KDM6A: variants seen among roughly 807,000 people sequenced by gnomAD.
The protein encoded by KDM6A is lysine-specific demethylase 6A.
Under a neutral mutation model 117.6 loss-of-function variants are expected in KDM6A, and 11 were observed. That is an observed-to-expected ratio of 0.09 (90% confidence interval 0.06 to 0.15). KDM6A has a LOEUF of 0.15. Ranked by LOEUF, KDM6A falls within the 10% of genes least tolerant of loss-of-function variation. KDM6A has a pLI of 1.00. For missense variants in KDM6A, 799 were observed against 1,077.3 expected (o/e 0.74, Z 3.62); for synonymous variants, 384 against 396.1 (o/e 0.97, Z 0.36).
chrX:44,929,163 C>T (rs2036479391), intron 2 of KDM6A, among the ~76,000 whole-genome samples: 1 of 109,931 alleles, frequency 9.1e-6, no homozygotes, highest in Non-Finnish European at 1.9e-5. Context: ...ATCTCTTGAC[C>T]TTGTGATCCA....
chrX:44,947,058 C>T (rs1027956629), intron 2 of KDM6A, among the ~76,000 whole-genome samples: 18 of 111,721 alleles, frequency 1.6e-4, no homozygotes, highest in African/African-American at 5.5e-4. Context: ...AAGCCATTTT[C>T]GTAGCATATT....
chrX:44,881,229 G>A (rs1178297028), intron 2 of KDM6A, among the ~76,000 whole-genome samples: 1 of 112,530 alleles, frequency 8.9e-6, no homozygotes, highest in African/African-American at 3.2e-5. Context: ...TCAGGAGCTC[G>A]AGACCAGCCT....
chrX:44,978,683 T>C (rs1443089373), intron 4 of KDM6A, among the ~76,000 whole-genome samples: 2 of 112,231 alleles, frequency 1.8e-5, no homozygotes, highest in Admixed American at 1.9e-4. Context: ...TAAATAGTTG[T>C]ATAACCATTA....
intron 8 of KDM6A, among the ~76,000 whole-genome samples, chrX:45,041,368 A>G (rs1377936304): frequency 1.2e-5 from 1 of 83,467 alleles, no homozygotes; most frequent in Admixed American, 1.2e-4. Flanking sequence ...ACTTCCCAGT[A>G]GGGGCGGCCG....
Position 44,873,242 on chromosome X carries a change from G to T in KDM6A, c.-310G>T. 1 of 321,661 alleles carries T rather than the reference G, an allele frequency of 3.1e-6. No homozygotes were observed. Among genetic ancestry groups the T allele is most frequent in the South Asian group, 6.9e-5 (1 of 14,397 alleles). The allele number at this position is 321,661 out of a possible 1,213,427, so 26.5% of individuals were successfully genotyped here. On this transcript the variant is annotated 5_prime_UTR_variant, in exon 1 of 30. Transcript: ENST00000611820. The stretch of plus-strand genomic sequence containing the variant: ...TTTGTGTCTCCAACGAATCCCCTCA[G>T]TGCTCCCCAGCCCCGCGCGCTCCGG...
chrX:45,094,083 C>T (rs1305936791), intron 27 of KDM6A, among the ~76,000 whole-genome samples: 1 of 111,243 alleles, frequency 9.0e-6, no homozygotes. Flanking sequence ...TATAAGCCTC[C>T]CTTTTTGAAA....
intron 15 of KDM6A, among the ~76,000 whole-genome samples, chrX:45,061,917 T>C (rs2147980655): frequency 9.1e-6 from 1 of 110,140 alleles, no homozygotes; most frequent in Admixed American, 9.7e-5. Context: ...TTTTTTTTTT[T>C]TTAAACAGGA....
intron 5 of KDM6A, among the ~76,000 whole-genome samples, chrX:45,012,323 C>T (rs765944146): frequency 9.3e-6 from 1 of 107,142 alleles, no homozygotes; most frequent in Non-Finnish European, 1.9e-5. Flanking sequence ...GCCTCAGCCT[C>T]CCAAGTAGCT....
rs368988653 is a variant in KDM6A at position 44,964,041 on chromosome X, A to G, written c.334+2649A>G. Among the ~76,000 whole-genome samples, 3 of 110,707 alleles carry G rather than the reference A, an allele frequency of 2.7e-5. No homozygotes were observed. In the East Asian group the frequency reaches 8.6e-4, roughly 32 times the overall value. ...CGGCCTTTTGACCTCAAATGTTCTTAATGGCATCAAGAATGATGAATCTTT... is the reference window on the plus strand; with the variant it reads ...CGGCCTTTTGACCTCAAATGTTCTTGATGGCATCAAGAATGATGAATCTTT... On this transcript the variant is annotated intron_variant, in intron 3 of 29. Coordinates refer to ENST00000611820, the MANE Select transcript of KDM6A (RefSeq NM_001291415.2).
At chrX:45,034,735 C>G (rs1420765722) in intron 6 of KDM6A, among the ~76,000 whole-genome samples, 196 bp from the exon 7 acceptor site, 1 of 111,847 alleles carries the variant, frequency 8.9e-6, no homozygotes, top group African/African-American at 3.2e-5. Context: ...TCAGCTGTCT[C>G]AAGAAAATAA....
chrX:44,914,000 T>A (rs1404770868), intron 2 of KDM6A, among the ~76,000 whole-genome samples: 1 of 111,965 alleles, frequency 8.9e-6, no homozygotes, highest in Non-Finnish European at 1.9e-5. Flanking sequence ...TTTCAGCCAA[T>A]GGAAACTGGA....
intron 27 of KDM6A, among the ~76,000 whole-genome samples, chrX:45,100,429 T>C (rs912053083): frequency 2.7e-5 from 3 of 112,263 alleles, no homozygotes; most frequent in Admixed American, 9.4e-5. Flanking sequence ...GAAACTTTGG[T>C]TTATTCACCA....
intron 2 of KDM6A, among the ~76,000 whole-genome samples, chrX:44,921,949 C>CTAGCATTTGT (rs2035959760): frequency 1.0e-5 from 1 of 100,222 alleles, no homozygotes; most frequent in Non-Finnish European, 2.0e-5. Flanking sequence ...TGTATACTTA[C>CTAGCATTTGT]TAGCATTTGT....
At position 45,111,411 on chromosome X, in the gene KDM6A, A is replaced by T; in HGVS notation, c.4362A>T (p.Ter1454CysextTer8). The change falls in exon 30 of 30, where the codon TGA (stop) becomes TGT (cysteine). Residue 1454 changes from the stop codon to cysteine (C), a stop_lost. Coordinates refer to ENST00000611820, the MANE Select transcript of KDM6A (RefSeq NM_001291415.2). ...LAPPLPSASS* is the reference protein window; with the variant it reads ...LAPPLPSASSC ...CTCCATTACCATCCGCCTCATCTTG[A>T]TATTGTTCCATGGACATTAAATGAG... The T allele has an allele frequency of 8.4e-7, 1 of 1,191,693 alleles. No individual in the cohort carries two copies. Among genetic ancestry groups the T allele is most frequent in the Non-Finnish European group, 1.1e-6 (1 of 878,259 alleles).
intron 2 of KDM6A, among the ~76,000 whole-genome samples, chrX:44,884,932 C>T (rs2032710535): frequency 9.0e-6 from 1 of 111,562 alleles, no homozygotes; most frequent in Admixed American, 9.6e-5. Flanking sequence ...TTTAATATTC[C>T]TTGTCTTAGT....
intron 2 of KDM6A, among the ~76,000 whole-genome samples, chrX:44,899,256 T>C (rs1044474935): frequency 9.8e-6 from 1 of 101,764 alleles, no homozygotes; most frequent in African/African-American, 3.6e-5. Context: ...TGTGTGTGTG[T>C]GTGTGTGTTT....
chrX:45,009,673 A>G (rs1005911388), intron 4 of KDM6A, among the ~76,000 whole-genome samples: 2 of 111,430 alleles, frequency 1.8e-5, no homozygotes, highest in African/African-American at 6.5e-5. Context: ...CTTTTTCTCA[A>G]CTAATGAATT....
At chrX:45,064,033 A>AT (rs1015406083) in intron 17 of KDM6A, among the ~76,000 whole-genome samples, 1 of 111,793 alleles carries the variant, frequency 8.9e-6, no homozygotes, top group African/African-American at 3.3e-5. Flanking sequence ...AACTTAGCAA[A>AT]TTTACAAAGG....
In KDM6A at chrX:44,992,798, G is replaced by A. The variant is rs371014093; in HGVS notation, c.384+18083G>A. On this transcript the variant is annotated intron_variant, in intron 4 of 29. Coordinates refer to ENST00000611820, the MANE Select transcript of KDM6A (RefSeq NM_001291415.2). ...CCTGACCATGTGATCCACCCACCTCGGCCTTCCAAAGTGCTGGGATTACAG... is the reference window on the plus strand; with the variant it reads ...CCTGACCATGTGATCCACCCACCTCAGCCTTCCAAAGTGCTGGGATTACAG... 6.4e-5 allele frequency among the ~76,000 whole-genome samples: 7 copies of A among 109,606 alleles called. No homozygotes were observed. In the East Asian group the frequency reaches 1.4e-3, roughly 22 times the overall value.
Sources: allele counts gnomAD v4.1 joint callset (sites outside exome capture counted in the v4.1 genomes callset), GRCh38; gene constraint gnomAD v4.1.1; transcripts MANE v1.5; gene names NCBI Gene and HGNC (gene_info 2026-07-23, HGNC 2026-07-21).